The following DNAI1 variants were observed in gnomAD, a reference collection of about 807,000 sequenced individuals.
The protein encoded by DNAI1 is dynein axonemal intermediate chain 1.
In DNAI1, 67 loss-of-function variants were observed where a neutral mutation model predicts 92.0. The ratio of observed to expected loss-of-function variants is 0.73; its 90% CI spans 0.60 to 0.89. The LOEUF (loss-of-function observed/expected upper bound fraction) is 0.89, where lower values mean the gene tolerates loss of function less well. Ranked by LOEUF, DNAI1 falls within the 40% of genes least tolerant of loss-of-function variation. The probability of loss-of-function intolerance (pLI) is 0.00; values close to 1 mark genes in which losing one functional copy is unlikely to be tolerated. For synonymous variants in DNAI1, 323 were observed against 319.6 expected, an observed-to-expected ratio of 1.01 and a Z score of -0.11; for missense variants, 839 against 866.6, an observed-to-expected ratio of 0.97 and a Z score of 0.40.
At chr9:34,488,247 G>C (rs1419224278) in intron 4 of DNAI1, 1 of 177,268 alleles carries the variant, frequency 5.6e-6, no homozygotes, top group Non-Finnish European at 1.2e-5. Flanking sequence ...TAAGCCCAAA[G>C]TCATGAAGAT....
Position 34,463,537 on chromosome 9 carries a change from G to A in DNAI1, c.48+4484G>A, listed in dbSNP as rs746990051. ...ACATGTACAGGAGGAGCTTTGCAGC[G>A]TTGCCAAACATTGCCTGGCAGCTAA... On this transcript the variant is annotated intron_variant, in intron 1 of 19. Transcript: ENST00000242317. 7.2e-5 allele frequency among the ~76,000 whole-genome samples: 11 copies of A among 152,306 alleles called. No homozygotes were observed. In the South Asian group the frequency reaches 1.9e-3, roughly 26 times the overall value.
chr9:34,472,240 A>G (rs947924570), intron 1 of DNAI1, among the ~76,000 whole-genome samples: 2 of 152,204 alleles, frequency 1.3e-5, no homozygotes, highest in East Asian at 1.9e-4. Context: ...CAGCAATTCT[A>G]TGAGGAGGGC....
chr9:34,483,171 C>A (rs1200848652), intron 1 of DNAI1, among the ~76,000 whole-genome samples: 1 of 152,240 alleles, frequency 6.6e-6, no homozygotes, highest in East Asian at 1.9e-4. Context: ...TTCCACACCT[C>A]CCTGCAAGCT....
intron 9 of DNAI1, 126 bp downstream of exon 9, chr9:34,493,454 T>C (rs1316073724): frequency 7.5e-7 from 1 of 1,327,882 alleles, no homozygotes; most frequent in Non-Finnish European, 1.1e-6. Flanking sequence ...AATGTTGAGA[T>C]ATAAATAGTT....
At chr9:34,500,403 T>C (rs555225586) in intron 10 of DNAI1, among the ~76,000 whole-genome samples, 29 of 152,228 alleles carry the variant, frequency 1.9e-4, no homozygotes, top group Middle Eastern at 3.4e-3. Flanking sequence ...GGGAAACACA[T>C]GGGAACAAGG....
At chr9:34,469,721 A>G (rs1824104500) in intron 1 of DNAI1, among the ~76,000 whole-genome samples, 1 of 151,968 alleles carries the variant, frequency 6.6e-6, no homozygotes, top group Non-Finnish European at 1.5e-5. Context: ...GGGATTGCAG[A>G]TGCTCACCAC....
intron 15 of DNAI1, among the ~76,000 whole-genome samples, chr9:34,512,857 T>C (rs1381358766): frequency 6.6e-6 from 1 of 152,256 alleles, no homozygotes; most frequent in Non-Finnish European, 1.5e-5. Context: ...CTGCCTTGTT[T>C]ACCCAGGCCC....
rs535155159 is a variant in DNAI1 at position 34,514,625 on chromosome 9, C to T, written c.1719-15C>T. 3.1e-6 allele frequency: 5 copies of T among 1,614,240 alleles called. No homozygotes were observed. In the South Asian group the frequency reaches 5.5e-5, roughly 18 times the overall value. ...GCCCTCTGTGCCATGGGCTTTCCACCCTCCACCTCTGCAGGACCCCGATGT... is the reference window on the plus strand; with the variant it reads ...GCCCTCTGTGCCATGGGCTTTCCACTCTCCACCTCTGCAGGACCCCGATGT... On this transcript the variant is annotated splice_polypyrimidine_tract_variant and intron_variant, in intron 17 of 19. Transcript: ENST00000242317.
intron 1 of DNAI1, among the ~76,000 whole-genome samples, chr9:34,468,825 CAA>C (rs200911728): frequency 4.6e-5 from 6 of 131,434 alleles, no homozygotes; most frequent in Non-Finnish European, 3.3e-5. Context: ...GACCCTGTCT[CAA>C]AAAAAAAAAG....
At chr9:34,463,871 A>G (rs773491900) in intron 1 of DNAI1, among the ~76,000 whole-genome samples, 2 of 152,144 alleles carry the variant, frequency 1.3e-5, no homozygotes, top group Non-Finnish European at 2.9e-5. Flanking sequence ...AGAGTCTTGG[A>G]TGATTCAGAG....
intron 13 of DNAI1, among the ~76,000 whole-genome samples, chr9:34,509,234 G>A (rs1412443844): frequency 6.6e-6 from 1 of 152,194 alleles, no homozygotes; most frequent in African/African-American, 2.4e-5. Context: ...TGGATTGTGA[G>A]GGAGGAGAGA....
chr9:34,500,241 G>A (rs1047074905), intron 10 of DNAI1, among the ~76,000 whole-genome samples: 12 of 152,158 alleles, frequency 7.9e-5, no homozygotes, highest in African/African-American at 2.9e-4. Flanking sequence ...GGGGGATCTA[G>A]GCAGCTTCAT....
chr9:34,481,736 G>C (rs1389456958), intron 1 of DNAI1, among the ~76,000 whole-genome samples: 1 of 152,186 alleles, frequency 6.6e-6, no homozygotes, highest in Non-Finnish European at 1.5e-5. Context: ...GTCTGGAGTT[G>C]TTCGTTCCTC....
At chr9:34,468,494 GGTTTT>G (rs139327447) in intron 1 of DNAI1, among the ~76,000 whole-genome samples, 17,825 of 151,290 alleles carry the variant, frequency 0.12, 1,338 homozygotes, top group Non-Finnish European at 0.18. Flanking sequence ...CGGCCAAGAA[GGTTTT>G]GTTTTGTTTT....
At chr9:34,461,801 A>C (rs1823956179) in intron 1 of DNAI1, among the ~76,000 whole-genome samples, 2 of 152,232 alleles carry the variant, frequency 1.3e-5, no homozygotes, top group Non-Finnish European at 2.9e-5. Context: ...AATTTGAGTC[A>C]GTGCTAATCA....
At chr9:34,516,169 T>C (rs1405163699) in intron 18 of DNAI1, among the ~76,000 whole-genome samples, 2 of 151,996 alleles carry the variant, frequency 1.3e-5, no homozygotes, top group African/African-American at 4.8e-5. Flanking sequence ...GCAGATGCCC[T>C]GAGGTGGGAA....
At chr9:34,496,003 T>A (rs1053593287) in intron 9 of DNAI1, among the ~76,000 whole-genome samples, 2 of 152,186 alleles carry the variant, frequency 1.3e-5, no homozygotes, top group Admixed American at 1.3e-4. Context: ...AGTGACTTCA[T>A]AACCCTTCGC....
At chr9:34,497,089 G>A (rs1463165222) in intron 9 of DNAI1, 26 bp from the exon 10 acceptor site, 1 of 1,590,820 alleles carries the variant, frequency 6.3e-7, no homozygotes, top group East Asian at 2.2e-5. Context: ...GGTTTATGAG[G>A]ACCTGAAGTT....
In DNAI1 at chr9:34,489,359, C is replaced by T. The variant is rs1190680011; in HGVS notation, c.298C>T (p.Leu100=). Residue 100 remains leucine (L), a synonymous_variant, in exon 5 of 20, where the codon CTG becomes TTG. Transcript: ENST00000242317. Reference sequence around the variant, plus strand: ...TAAGCCTATTGGCTTTGTGAACCAACTGGCAGTTCACTACACCCAGGTTGG... The same window carrying T: ...TAAGCCTATTGGCTTTGTGAACCAATTGGCAGTTCACTACACCCAGGTTGG... ...TYKPIGFVNQ[L]AVHYTQVGNL... is the part of the protein sequence containing the mutation. The T allele has an allele frequency of 6.2e-7, 1 of 1,614,094 alleles. No homozygotes were observed. The highest frequency in any genetic ancestry group is 1.1e-5 in the South Asian group (1 of 91,076).
Sources: allele counts gnomAD v4.1 joint callset (sites outside exome capture counted in the v4.1 genomes callset), GRCh38; gene constraint gnomAD v4.1.1; transcripts MANE v1.5; gene names NCBI Gene and HGNC (gene_info 2026-07-23, HGNC 2026-07-21).